Variants in MAD1L1 observed in about 807,000 individuals in gnomAD.
The protein encoded by MAD1L1 is mitotic spindle assembly checkpoint protein MAD1.
Under a neutral mutation model 96.9 loss-of-function variants are expected in MAD1L1, and 95 were observed. That is an observed-to-expected ratio of 0.98 (90% confidence interval 0.83 to 1.16). The LOEUF is 1.16. MAD1L1 is among the 50% of genes most tolerant of loss of function. MAD1L1 has a pLI of 0.00. For synonymous variants in MAD1L1, 473 were observed against 396.6 expected (o/e 1.19, Z -2.29); for missense variants, 1,007 against 954.4 (o/e 1.06, Z -0.73).
intron 10 of MAD1L1, among the ~76,000 whole-genome samples, chr7:2,164,994 A>C (rs1316567912): frequency 2.0e-5 from 3 of 152,198 alleles, no homozygotes; most frequent in Non-Finnish European, 4.4e-5. Flanking sequence ...AAAGGGCTCT[A>C]GCTAGGGAAA....
At position 2,209,300 on chromosome 7, in the gene MAD1L1, GT is replaced by G. The variant is rs148404020; in HGVS notation, c.986+3911del. 2.5e-4 allele frequency among the ~76,000 whole-genome samples: 38 copies of G among 152,282 alleles called. No individual in the cohort carries two copies. The East Asian group carries it at 7.3e-3, about 29-fold the overall frequency. ...CACTCTCTCCTGGGGCTCAGCCAGG[GT>G]TTATCCAAGCCCGGGGCGAGGCCGA... is the stretch of plus-strand genomic sequence containing the variant. On this transcript the variant is annotated intron_variant, in intron 10 of 18. Coordinates refer to ENST00000265854, the MANE Select transcript of MAD1L1 (RefSeq NM_001013836.2).
chr7:2,020,823 AT>A (rs1314169360), intron 12 of MAD1L1, among the ~76,000 whole-genome samples: 6 of 152,112 alleles, frequency 3.9e-5, no homozygotes, highest in African/African-American at 1.4e-4. Flanking sequence ...CAGTGGCACA[AT>A]CTCAAGAATG....
In MAD1L1 at chr7:1,996,266, A is replaced by AG. The variant is rs1201437367; in HGVS notation, c.1416+5798dup. ...GTCTACACACGGCTCCTGGGCGGGCAGGGTCCCCCCGGGTCTACACACGGC... is the reference window on the plus strand; with the variant it reads ...GTCTACACACGGCTCCTGGGCGGGCAGGGGTCCCCCCGGGTCTACACACGGC... On this transcript the variant is annotated intron_variant, in intron 14 of 18. Transcript: ENST00000265854. Among the ~76,000 whole-genome samples the AG allele has an allele frequency of 3.4e-5, 3 of 89,522 alleles. 1 individual carries two copies. Among genetic ancestry groups the AG allele is most frequent in the Admixed American group, 2.7e-4 (2 of 7,398 alleles). The allele number at this position is 89,522 out of a possible 152,430, so 58.7% of individuals were successfully genotyped here.
intron 5 of MAD1L1, among the ~76,000 whole-genome samples, chr7:2,222,075 CTT>C (rs570570176): frequency 1.7e-4 from 24 of 141,688 alleles, no homozygotes; most frequent in African/African-American, 2.8e-4. Context: ...AAGTGCTTAA[CTT>C]TTTTTTTTTT....
intron 17 of MAD1L1, among the ~76,000 whole-genome samples, chr7:1,920,379 A>G (rs907593398): frequency 1.3e-5 from 2 of 152,236 alleles, no homozygotes; most frequent in African/African-American, 4.8e-5. Context: ...GAGCAGGGGC[A>G]GAGAAAGTCG....
intron 12 of MAD1L1, among the ~76,000 whole-genome samples, chr7:2,031,153 C>G (rs1783207680): frequency 6.6e-6 from 1 of 152,210 alleles, no homozygotes; most frequent in South Asian, 2.1e-4. Flanking sequence ...GGAGGCTGAA[C>G]ACCAGGCCGC....
chr7:2,032,899 C>A (rs918912662), intron 12 of MAD1L1, among the ~76,000 whole-genome samples: 1 of 152,226 alleles, frequency 6.6e-6, no homozygotes, highest in Admixed American at 6.5e-5. Context: ...ACCCACTCTG[C>A]ACACAGGGAG....
intron 12 of MAD1L1, among the ~76,000 whole-genome samples, chr7:2,050,444 C>T (rs2128517213): frequency 6.6e-6 from 1 of 152,376 alleles, no homozygotes; most frequent in South Asian, 2.1e-4. Context: ...TCCTGGGCCG[C>T]CTCCACTCTG....
chr7:2,185,929 G>A (rs1471784090), intron 10 of MAD1L1, among the ~76,000 whole-genome samples: 3 of 152,206 alleles, frequency 2.0e-5, no homozygotes, highest in Non-Finnish European at 4.4e-5. Context: ...ATTAGGGAGG[G>A]TGCCTGAGAG....
intron 3 of MAD1L1, among the ~76,000 whole-genome samples, chr7:2,226,312 A>G (rs1793892377): frequency 6.6e-6 from 1 of 152,286 alleles, no homozygotes; most frequent in South Asian, 2.1e-4. Flanking sequence ...GAGTGTGCAC[A>G]AGGAGCCTGG....
chr7:2,022,188 G>A (rs997229070), intron 12 of MAD1L1, among the ~76,000 whole-genome samples: 4 of 152,210 alleles, frequency 2.6e-5, no homozygotes, highest in Non-Finnish European at 4.4e-5. Context: ...TGTGTGGGGT[G>A]ACGATGGTGC....
In MAD1L1 at chr7:2,225,292, C is replaced by G. The variant is rs1260901812; in HGVS notation, c.291+118G>C. 5.7e-6 allele frequency: 5 copies of G among 877,616 alleles called. No individual in the cohort carries two copies. In the East Asian group the frequency reaches 1.3e-4, roughly 22 times the overall value. The allele number at this position is 877,616 out of a possible 1,614,324, so 54.4% of individuals were successfully genotyped here. On this transcript the variant is annotated intron_variant, in intron 4 of 18. Transcript: ENST00000265854. Reference sequence around the variant, plus strand: ...TTCTTAAGACCTGGCAGGTACCATGCACAGCCCCCTTGCTCCCAGGGACTA... The same window carrying G: ...TTCTTAAGACCTGGCAGGTACCATGGACAGCCCCCTTGCTCCCAGGGACTA...
intron 18 of MAD1L1, among the ~76,000 whole-genome samples, chr7:1,843,118 T>C (rs1407163906): frequency 6.6e-6 from 1 of 152,048 alleles, no homozygotes; most frequent in Non-Finnish European, 1.5e-5. Context: ...AGACCACACA[T>C]GAGGCCCCGA....
intron 18 of MAD1L1, among the ~76,000 whole-genome samples, chr7:1,866,807 C>A (rs1040942821): frequency 6.6e-5 from 10 of 152,178 alleles, no homozygotes; most frequent in African/African-American, 2.4e-4. Context: ...GGGGAAGCAG[C>A]AGGAGGCAGC....
intron 12 of MAD1L1, among the ~76,000 whole-genome samples, chr7:2,061,865 CAT>C (rs1339965176): frequency 6.6e-6 from 1 of 152,254 alleles, no homozygotes; most frequent in African/African-American, 2.4e-5. Flanking sequence ...ACACAACACA[CAT>C]GACTCTCACA....
At position 2,139,212 on chromosome 7, in the gene MAD1L1, G is replaced by C. The variant is rs936994903; in HGVS notation, c.1073+9940C>G. Among the ~76,000 whole-genome samples, 5 of 152,152 alleles carry C rather than the reference G, an allele frequency of 3.3e-5. No homozygotes were observed. In the East Asian group the frequency reaches 9.7e-4, roughly 30 times the overall value. ...CACCATGTCCACAGCCTAAGCCCTG[G>C]CTGCCACGGGGATCACACGGCCCGA... On this transcript the variant is annotated intron_variant, in intron 11 of 18. Transcript: ENST00000265854.
chr7:2,151,228 C>G (rs759920738), intron 10 of MAD1L1, among the ~76,000 whole-genome samples: 1 of 152,222 alleles, frequency 6.6e-6, no homozygotes, highest in Non-Finnish European at 1.5e-5. Context: ...TTCACTAACT[C>G]AGTGCAAAGA....
intron 12 of MAD1L1, among the ~76,000 whole-genome samples, chr7:2,015,837 G>A (rs530277166): frequency 1.9e-4 from 29 of 152,344 alleles, no homozygotes; most frequent in African/African-American, 3.1e-4. Flanking sequence ...GATTCAGGGT[G>A]GGCCTGGGAA....
At chr7:2,089,481 G>A (rs1584292824) in intron 11 of MAD1L1, among the ~76,000 whole-genome samples, 1 of 152,314 alleles carries the variant, frequency 6.6e-6, no homozygotes, top group Admixed American at 6.5e-5. Flanking sequence ...CAGCCATGTG[G>A]AACCATAAGT....
Sources: gnomAD v4.1 joint callset for allele counts (sites outside exome capture counted in the v4.1 genomes callset) on GRCh38, gnomAD v4.1.1 for gene constraint, MANE v1.5 for transcripts, NCBI Gene and HGNC (gene_info 2026-07-23, HGNC 2026-07-21) for gene names.